SCML4: variants seen among roughly 807,000 people sequenced by gnomAD.
SCML4 encodes the protein Scm polycomb group protein like 4.
Under a neutral mutation model 41.1 loss-of-function variants are expected in SCML4, and 34 were observed. That is an observed-to-expected ratio of 0.83 (90% confidence interval 0.63 to 1.10). SCML4 has a LOEUF of 1.10. Ranked by LOEUF, SCML4 falls within the 50% of genes least tolerant of loss-of-function variation. SCML4 has a pLI of 0.00. For synonymous variants in SCML4, 214 were observed against 220.9 expected (o/e 0.97, Z 0.28); for missense variants, 522 against 534.1 (o/e 0.98, Z 0.22).
At chr6:107,798,942 G>T (rs1355820324) in intron 1 of SCML4, among the ~76,000 whole-genome samples, 3 of 152,208 alleles carry the variant, frequency 2.0e-5, no homozygotes, top group South Asian at 2.1e-4. Context: ...CACTCTGTAT[G>T]ATCTCAGTCC....
At chr6:107,770,413 G>A (rs968081942) in intron 2 of SCML4, among the ~76,000 whole-genome samples, 6 of 152,098 alleles carry the variant, frequency 3.9e-5, no homozygotes, top group Non-Finnish European at 7.3e-5. Context: ...AATGGCACCC[G>A]GTTTGGAACT....
At chr6:107,723,733 T>C (rs909524023) in intron 5 of SCML4, among the ~76,000 whole-genome samples, 9 of 151,854 alleles carry the variant, frequency 5.9e-5, no homozygotes, top group Non-Finnish European at 1.2e-4. Flanking sequence ...AAAGAAAAAA[T>C]AATACTAATT....
intron 2 of SCML4, among the ~76,000 whole-genome samples, chr6:107,770,973 A>G (rs528955211): frequency 3.2e-4 from 49 of 152,328 alleles, no homozygotes; most frequent in Non-Finnish European, 1.0e-4. Context: ...GACTGGCCCT[A>G]CGCCAGCTTA....
intron 1 of SCML4, among the ~76,000 whole-genome samples, chr6:107,778,606 G>A (rs1781226700): frequency 6.6e-6 from 1 of 152,098 alleles, no homozygotes; most frequent in African/African-American, 2.4e-5. Flanking sequence ...ACTAAGATCT[G>A]TTCTATTAAT....
At chr6:107,750,422 G>T (rs1410209071) in intron 2 of SCML4, among the ~76,000 whole-genome samples, 1 of 152,196 alleles carries the variant, frequency 6.6e-6, no homozygotes. Flanking sequence ...GTTAAAATTT[G>T]CTCTTATGGA....
intron 1 of SCML4, among the ~76,000 whole-genome samples, chr6:107,777,279 G>A (rs545916062): frequency 1.7e-4 from 26 of 152,200 alleles, no homozygotes; most frequent in African/African-American, 6.0e-4. Context: ...CATCACGCCT[G>A]GCTAATTTTT....
At chr6:107,761,714 G>C (rs773572470) in intron 2 of SCML4, among the ~76,000 whole-genome samples, 4 of 152,068 alleles carry the variant, frequency 2.6e-5, no homozygotes, top group Admixed American at 6.5e-5. Context: ...TAGGATTACA[G>C]GCATGAGCCA....
chr6:107,724,507 T>C (rs1175723450), intron 5 of SCML4, among the ~76,000 whole-genome samples: 1 of 151,914 alleles, frequency 6.6e-6, no homozygotes, highest in East Asian at 1.9e-4. Context: ...AATTAGAAAA[T>C]AAAATTGAGA....
In SCML4 at chr6:107,717,172, A is replaced by AAAAT. The variant is rs1321916871; in HGVS notation, c.973+3530_973+3531insATTT. 1.2e-4 allele frequency among the ~76,000 whole-genome samples: 14 copies of AAAAT among 112,780 alleles called. 1 individual carries two copies. The highest frequency in any genetic ancestry group is 4.6e-4 in the African/African-American group (13 of 28,480). 74.0% of individuals were successfully genotyped at this position (112,780 alleles called of 152,430 possible). A position where few individuals can be genotyped will look rare whatever the true frequency, so the allele number is the denominator to read the frequency against. On this transcript the variant is annotated intron_variant, in intron 6 of 7. Transcript: ENST00000369020. ...AAAAAAAAAAAAAAAAAAAAAAAAAAAGCCAGGTGTGGTGGCAGGCACCTG... is the reference window on the plus strand; with the variant it reads ...AAAAAAAAAAAAAAAAAAAAAAAAAAAAATAGCCAGGTGTGGTGGCAGGCACCTG...
In SCML4 at chr6:107,707,948, C is replaced by G; in HGVS notation, c.1037G>C (p.Trp346Ser). The G allele has an allele frequency of 6.4e-7, 1 of 1,551,654 alleles. No individual in the cohort carries two copies. The highest frequency in any genetic ancestry group is 8.7e-7 in the Non-Finnish European group (1 of 1,146,984). The change falls in exon 7 of 8, where the codon TGG (tryptophan) becomes TCG (serine). Residue 346 changes from tryptophan (W) to serine (S), a missense_variant. Coordinates refer to ENST00000369020, the MANE Select transcript of SCML4 (RefSeq NM_198081.5). ...RRPRSRNPSA[W>S]TVEDVVWFVK... is the part of the protein sequence containing the mutation. ...AAACCACACCACGTCCTCCACAGTC[C>G]AGGCGGAGGGGTTCCTGCTCCGTGG...
chr6:107,751,572 ATCTTTCTT>A (rs36148554), intron 2 of SCML4, among the ~76,000 whole-genome samples: 13,199 of 87,648 alleles, frequency 0.15, 1,060 homozygotes, highest in Middle Eastern at 0.21. Context: ...CATTTTAACA[ATCTTTCTT>A]TCTTTCTTTC....
chr6:107,832,335 A>G, the SCML4 span, among the ~76,000 whole-genome samples: 2 of 152,194 alleles, frequency 1.3e-5, no homozygotes, highest in Non-Finnish European at 2.9e-5. Flanking sequence ...GTCACCAAAG[A>G]TCTGGTCTGA....
chr6:107,831,783 G>T, the SCML4 span, among the ~76,000 whole-genome samples: 1 of 152,176 alleles, frequency 6.6e-6, no homozygotes, highest in Admixed American at 6.5e-5. Flanking sequence ...TCCAGGCGAG[G>T]TGGCTCACGT....
At position 107,761,820 on chromosome 6, in the gene SCML4, C is replaced by T. The variant is rs77322933; in HGVS notation, c.156+10352G>A. Among the ~76,000 whole-genome samples the T allele has an allele frequency of 3.9e-3, 504 of 129,154 alleles. 2 individuals carry two copies. The highest frequency in any genetic ancestry group is 0.014 in the African/African-American group (483 of 34,986). The allele number at this position is 129,154 out of a possible 152,430, so 84.7% of individuals were successfully genotyped here. ...CAGAAAAAAAAGTCTTTTTTTTTTTCAAAAGTGAAGGTAAAATAAAGATAC... is the reference window on the plus strand; with the variant it reads ...CAGAAAAAAAAGTCTTTTTTTTTTTTAAAAGTGAAGGTAAAATAAAGATAC... On this transcript the variant is annotated intron_variant, in intron 2 of 7. Coordinates refer to ENST00000369020, the MANE Select transcript of SCML4 (RefSeq NM_198081.5).
chr6:107,760,710 G>A (rs1165033315), intron 2 of SCML4, among the ~76,000 whole-genome samples: 3 of 151,920 alleles, frequency 2.0e-5, no homozygotes, highest in Non-Finnish European at 4.4e-5. Context: ...AAATACTCAA[G>A]CACACAAGGA....
At chr6:107,792,852 A>G (rs1297652724) in intron 1 of SCML4, among the ~76,000 whole-genome samples, 6 of 152,196 alleles carry the variant, frequency 3.9e-5, no homozygotes, top group Non-Finnish European at 8.8e-5. Flanking sequence ...CCTCACTTAG[A>G]TTTTGGTGTG....
rs200064777 is a variant in SCML4, at chr6:107,729,036, G to A, written c.683-8043C>T. Among the ~76,000 whole-genome samples the A allele has an allele frequency of 3.3e-5, 5 of 152,266 alleles. No individual in the cohort carries two copies. In the South Asian group the frequency reaches 8.3e-4, roughly 25 times the overall value. On this transcript the variant is annotated intron_variant, in intron 5 of 7. Coordinates refer to ENST00000369020, the MANE Select transcript of SCML4 (RefSeq NM_198081.5). ...GATGCATGGATGGCCCTCATCATTC[G>A]GTGGCAGGAAGGAAAAGGACCTTCA...
chr6:107,776,832 C>T (rs1463942245), intron 1 of SCML4, among the ~76,000 whole-genome samples: 1 of 152,106 alleles, frequency 6.6e-6, no homozygotes, highest in Non-Finnish European at 1.5e-5. Flanking sequence ...AAATGTCCCT[C>T]AAAACAACAG....
intron 5 of SCML4, among the ~76,000 whole-genome samples, chr6:107,722,072 C>T (rs892142049): frequency 2.7e-5 from 4 of 150,434 alleles, no homozygotes; most frequent in African/African-American, 9.8e-5. Context: ...TCACTGCAAC[C>T]TCCACCTCTC....
Sources: allele counts gnomAD v4.1 joint callset (sites outside exome capture counted in the v4.1 genomes callset), GRCh38; gene constraint gnomAD v4.1.1; transcripts MANE v1.5; gene names NCBI Gene and HGNC (gene_info 2026-07-23, HGNC 2026-07-21).